Variants in PATJ observed in about 807,000 individuals in gnomAD.
PATJ encodes inaD-like protein.
A neutral mutation model predicts 224.9 loss-of-function variants in PATJ; 190 were observed. The ratio of observed to expected loss-of-function variants is 0.84; its 90% confidence interval spans 0.75 to 0.95. The LOEUF is 0.95. PATJ is among the 40% of genes least tolerant of loss of function. The pLI is 0.00. For synonymous variants in PATJ, 769 were observed against 820.3 expected (o/e 0.94, Z 1.07); for missense variants, 2,121 against 2,270.3 (o/e 0.93, Z 1.34).
chr1:61,772,004 G>A (rs1322174258), intron 6 of PATJ, among the ~76,000 whole-genome samples: 2 of 151,964 alleles, frequency 1.3e-5, no homozygotes, highest in Admixed American at 1.3e-4. Flanking sequence ...TTACAGGCAT[G>A]AGCCACTGTG....
chr1:61,783,714 A>T (rs1647873956), intron 7 of PATJ, among the ~76,000 whole-genome samples: 1 of 147,076 alleles, frequency 6.8e-6, no homozygotes, highest in Admixed American at 6.9e-5. Flanking sequence ...ATGCAAAGTA[A>T]TGTGAGTTTT....
intron 28 of PATJ, chr1:61,991,783 A>G: frequency 1.0e-6 from 1 of 969,460 alleles, no homozygotes; most frequent in Non-Finnish European, 1.2e-6. Flanking sequence ...AATATTATTC[A>G]TTGCCTCAGT....
rs995626210 is a variant in PATJ, at chr1:61,914,514, T to C, written c.3493-73T>C. The C allele has an allele frequency of 5.1e-5, 36 of 711,788 alleles. No homozygotes were observed. In the East Asian group the frequency reaches 8.9e-4, roughly 18 times the overall value. The allele number at this position is 711,788 out of a possible 1,614,324, so 44.1% of individuals were successfully genotyped here. A position where few individuals can be genotyped will look rare whatever the true frequency, so the allele number is the denominator to read the frequency against. ...AAAAAAAATTCTCCATTGTGGAATG[T>C]CAAGAGAAAAAAAAGGAATGATTAT... On this transcript the variant is annotated intron_variant, in intron 25 of 43. Transcript: ENST00000642238.
At chr1:62,017,988 T>C (rs1255702557) in intron 29 of PATJ, 41 bp downstream of exon 29, 1 of 1,053,040 alleles carries the variant, frequency 9.5e-7, no homozygotes, top group Non-Finnish European at 1.5e-6. Context: ...CAAAGACCTC[T>C]TCTGAAGATG....
chr1:62,123,416 T>G (rs1665323642), intron 39 of PATJ, among the ~76,000 whole-genome samples: 1 of 151,570 alleles, frequency 6.6e-6, no homozygotes, highest in East Asian at 1.9e-4. Context: ...GAGCATATAG[T>G]ATGATTTTTA....
intron 27 of PATJ, among the ~76,000 whole-genome samples, chr1:61,965,341 A>G (rs1483478569): frequency 6.6e-6 from 1 of 151,782 alleles, no homozygotes; most frequent in East Asian, 1.9e-4. Flanking sequence ...ACTGTGCCTA[A>G]AACTCAGTAG....
chr1:61,802,142 G>A (rs1026507119), intron 12 of PATJ, among the ~76,000 whole-genome samples: 10 of 152,112 alleles, frequency 6.6e-5, no homozygotes, highest in African/African-American at 9.7e-5. Context: ...TGCCCAGGCT[G>A]GAGTGCGGTG....
intron 18 of PATJ, among the ~76,000 whole-genome samples, chr1:61,861,290 T>C (rs1422495438): frequency 2.0e-5 from 2 of 98,008 alleles, no homozygotes; most frequent in African/African-American, 8.4e-5. Flanking sequence ...CTTTCTTTTT[T>C]TTTTTTTTTT....
At chr1:61,761,375 C>T (rs1645963010) in intron 1 of PATJ, among the ~76,000 whole-genome samples, 1 of 152,124 alleles carries the variant, frequency 6.6e-6, no homozygotes, top group Non-Finnish European at 1.5e-5. Flanking sequence ...GAACCCCTTC[C>T]CAGTGTAGGG....
intron 29 of PATJ, among the ~76,000 whole-genome samples, chr1:62,026,023 C>T (rs1647823412): frequency 6.6e-6 from 1 of 152,100 alleles, no homozygotes; most frequent in Non-Finnish European, 1.5e-5. Context: ...GAATGTGGGT[C>T]TAGAAACTGC....
At chr1:62,115,312 A>G (rs1558189455) in intron 35 of PATJ, among the ~76,000 whole-genome samples, 1 of 152,040 alleles carries the variant, frequency 6.6e-6, no homozygotes, top group Non-Finnish European at 1.5e-5. Flanking sequence ...CTCCATCTCA[A>G]AAATAAATAA....
At chr1:62,065,318 T>C (rs570241890) in intron 31 of PATJ, among the ~76,000 whole-genome samples, 23 of 152,208 alleles carry the variant, frequency 1.5e-4, no homozygotes, top group African/African-American at 5.5e-4. Flanking sequence ...TGACACAAAT[T>C]CATAGCTTTA....
At chr1:62,157,009 A>C (rs17123145) in intron 43 of PATJ, among the ~76,000 whole-genome samples, 2,395 of 152,164 alleles carry the variant, frequency 0.016, 57 homozygotes, top group African/African-American at 0.054. Flanking sequence ...TGTGTAACTC[A>C]GTATCAGAAT....
At chr1:62,057,310 T>C (rs866246205) in intron 31 of PATJ, among the ~76,000 whole-genome samples, 1 of 152,202 alleles carries the variant, frequency 6.6e-6, no homozygotes, top group African/African-American at 2.4e-5. Context: ...CCTTAGAGCC[T>C]CTGAGAGTCT....
At chr1:61,873,279 CACCTCAGCCTCCT>C (rs1395015535) in intron 20 of PATJ, among the ~76,000 whole-genome samples, 1 of 152,096 alleles carries the variant, frequency 6.6e-6, no homozygotes, top group African/African-American at 2.4e-5. Flanking sequence ...GCTATCCTCC[CACCTCAGCCTCCT>C]GAGTAGCTGG....
rs539192472 is a variant in PATJ, at chr1:61,999,026, T to A, written c.3867+8662T>A. Among the ~76,000 whole-genome samples, 17 of 152,258 alleles carry A rather than the reference T, an allele frequency of 1.1e-4. 1 individual carries two copies. The South Asian group carries it at 2.5e-3, about 22-fold the overall frequency. ...CCAGTGAGCCAAATTATCTTAAAATTATGGAAAGTGCCATGAAAATAGAAA... is the reference window on the plus strand; with the variant it reads ...CCAGTGAGCCAAATTATCTTAAAATAATGGAAAGTGCCATGAAAATAGAAA... On this transcript the variant is annotated intron_variant, in intron 28 of 43. Transcript: ENST00000642238.
chr1:61,943,281 G>A (rs1230956857), intron 27 of PATJ, among the ~76,000 whole-genome samples: 1 of 152,170 alleles, frequency 6.6e-6, no homozygotes, highest in Admixed American at 6.5e-5. Flanking sequence ...GCAGCCCATG[G>A]AGCAGGGCGG....
Position 61,915,903 on chromosome 1 carries a change from G to T in PATJ, c.3570+1239G>T, listed in dbSNP as rs944745103. Among the ~76,000 whole-genome samples, 15 of 152,010 alleles carry T rather than the reference G, an allele frequency of 9.9e-5. No individual in the cohort carries two copies. In the East Asian group the frequency reaches 1.5e-3, roughly 16 times the overall value. ...GTAGAGACAAGGTTTCACCATGTTGGCCAGGATGGTCTCGATCTCTTGACA... is the reference window on the plus strand; with the variant it reads ...GTAGAGACAAGGTTTCACCATGTTGTCCAGGATGGTCTCGATCTCTTGACA... On this transcript the variant is annotated intron_variant, in intron 26 of 43. Transcript: ENST00000642238.
intron 30 of PATJ, among the ~76,000 whole-genome samples, chr1:62,049,624 A>G (rs2476179): frequency 2.9e-4 from 44 of 152,358 alleles, no homozygotes; most frequent in African/African-American, 9.4e-4. Context: ...AATAACTTCT[A>G]GTTAGTTAAC....
Sources: allele counts gnomAD v4.1 joint callset (sites outside exome capture counted in the v4.1 genomes callset), GRCh38; gene constraint gnomAD v4.1.1; transcripts MANE v1.5; gene names NCBI Gene and HGNC (gene_info 2026-07-23, HGNC 2026-07-21).